The following FOXP2 variants were observed in gnomAD, a reference collection of about 807,000 sequenced individuals.
FOXP2 encodes the protein forkhead box P2, also known as forkhead box protein P2.
FOXP2 carries 12 observed loss-of-function variants against 115.8 expected under a neutral mutation model. The observed-to-expected ratio is 0.10, with a 90% CI of 0.07 to 0.17. The LOEUF is 0.17. FOXP2 is among the 10% of genes least tolerant of loss of function. The pLI is 1.00. For synonymous variants in FOXP2, 328 were observed against 297.7 expected (o/e 1.10, Z -1.05); for missense variants, 629 against 843.5 (o/e 0.75, Z 3.15).
At chr7:114,408,354 A>G (rs1793082361) in intron 2 of FOXP2, among the ~76,000 whole-genome samples, 1 of 152,172 alleles carries the variant, frequency 6.6e-6, no homozygotes, top group Non-Finnish European at 1.5e-5. Flanking sequence ...TGAAGTATAA[A>G]ACATGACAAT....
At chr7:114,520,371 T>C (rs1282495051) in intron 2 of FOXP2, among the ~76,000 whole-genome samples, 1 of 152,124 alleles carries the variant, frequency 6.6e-6, no homozygotes, top group Non-Finnish European at 1.5e-5. Context: ...TGTAGTTTAG[T>C]GATGTATGTC....
At chr7:114,432,418 A>T (rs2129207865) in intron 2 of FOXP2, among the ~76,000 whole-genome samples, 1 of 152,146 alleles carries the variant, frequency 6.6e-6, no homozygotes, top group South Asian at 2.1e-4. Flanking sequence ...AGATTGGATT[A>T]ATTTACACTC....
At chr7:114,505,150 T>C (rs945339878) in intron 2 of FOXP2, among the ~76,000 whole-genome samples, 1 of 151,616 alleles carries the variant, frequency 6.6e-6, no homozygotes, top group African/African-American at 2.4e-5. Context: ...ATTTATATGA[T>C]AAATCTCAGA....
chr7:114,404,204 G>A (rs761573410), intron 2 of FOXP2, among the ~76,000 whole-genome samples: 1 of 152,042 alleles, frequency 6.6e-6, no homozygotes, highest in Non-Finnish European at 1.5e-5. Context: ...TTACAATTTT[G>A]TCAAGGTTTA....
intron 3 of FOXP2, among the ~76,000 whole-genome samples, chr7:114,558,759 A>G (rs1055207857): frequency 3.3e-5 from 5 of 151,904 alleles, no homozygotes; most frequent in African/African-American, 7.3e-5. Flanking sequence ...CTTCCTTTTC[A>G]CCAGTGCATA....
chr7:114,612,360 G>GTA (rs1803675979), intron 3 of FOXP2, among the ~76,000 whole-genome samples: 1 of 115,532 alleles, frequency 8.7e-6, no homozygotes, highest in South Asian at 2.7e-4. Context: ...ACATATATAT[G>GTA]TATATATATA....
rs1052407136 is a variant in FOXP2, at chr7:114,659,812, CCT to C, written c.1647+145_1647+146del. 13 of 723,218 alleles carry C rather than the reference CCT, an allele frequency of 1.8e-5. 1 individual carries two copies. The highest frequency in any genetic ancestry group is 1.6e-4 in the East Asian group (6 of 37,088). The allele number at this position is 723,218 out of a possible 1,614,324, so 44.8% of individuals were successfully genotyped here. On this transcript the variant is annotated intron_variant, in intron 13 of 16. Transcript: ENST00000350908. ...CCTGCCTCTTGAATGGAATGAATTC[CCT>C]CTCTCAAAATGACAAGTGAAAGAAT... is the stretch of plus-strand genomic sequence containing the variant.
intron 5 of FOXP2, among the ~76,000 whole-genome samples, chr7:114,631,273 T>C (rs1479056216): frequency 6.6e-6 from 1 of 152,234 alleles, no homozygotes; most frequent in Non-Finnish European, 1.5e-5. Context: ...AAGCTGAACC[T>C]TTATTACATA....
At chr7:114,340,513 A>G (rs756558821) in intron 2 of FOXP2, among the ~76,000 whole-genome samples, 11 of 151,164 alleles carry the variant, frequency 7.3e-5, no homozygotes, top group Non-Finnish European at 1.5e-4. Flanking sequence ...AAATTCAGGT[A>G]CATAACTATT....
At chr7:114,521,009 T>C (rs1315996806) in intron 2 of FOXP2, among the ~76,000 whole-genome samples, 1 of 152,094 alleles carries the variant, frequency 6.6e-6, no homozygotes, top group Non-Finnish European at 1.5e-5. Flanking sequence ...TAAATATCTA[T>C]CAGAAGAGGA....
intron 9 of FOXP2, chr7:114,653,376 T>C (rs186005043): frequency 5.8e-6 from 1 of 171,360 alleles, no homozygotes; most frequent in African/African-American, 2.4e-5. Context: ...TGAGACCCAG[T>C]GCAAGTGTAG....
intron 3 of FOXP2, among the ~76,000 whole-genome samples, chr7:114,614,198 C>A (rs1469263145): frequency 3.3e-5 from 5 of 152,184 alleles, no homozygotes; most frequent in African/African-American, 9.7e-5. Flanking sequence ...AAGCTAGCAT[C>A]TACTTTCTAC....
In FOXP2 at chr7:114,274,871, T is replaced by A. The variant is rs184111919; in HGVS notation, c.-101-13148T>A. ...GGTTTCACCATGTTACCTAGGCTGGTCTGGAACTCCTAGTCTCAAGCAATC... is the reference window on the plus strand; with the variant it reads ...GGTTTCACCATGTTACCTAGGCTGGACTGGAACTCCTAGTCTCAAGCAATC... On this transcript the variant is annotated intron_variant, in intron 1 of 17. Coordinates refer to the FOXP2 transcript ENST00000634411. 1.2e-3 allele frequency among the ~76,000 whole-genome samples: 182 copies of A among 152,034 alleles called. 2 individuals carry two copies. Among genetic ancestry groups the A allele is most frequent in the African/African-American group, 4.3e-3 (180 of 41,516 alleles).
intron 2 of FOXP2, among the ~76,000 whole-genome samples, chr7:114,378,261 G>A (rs933710356): frequency 2.0e-5 from 3 of 152,030 alleles, no homozygotes. Flanking sequence ...GCAGACATAG[G>A]AGTTAGATGG....
chr7:114,636,822 C>A (rs548328720), intron 6 of FOXP2, among the ~76,000 whole-genome samples: 78 of 152,056 alleles, frequency 5.1e-4, no homozygotes, highest in African/African-American at 1.7e-3. Flanking sequence ...TTAATTAATT[C>A]TTAGCACAGT....
rs763246182 is a variant in FOXP2 at position 114,664,363 on chromosome 7, G to C, written c.1930G>C (p.Asp644His). ...SSGLLQAVHE[D>H]LNGSLDHIDS... ...TGGCCTACTGCAGGCCGTCCACGAA[G>C]ACCTCAATGGTTCTCTGGATCACAT... The change falls in exon 16 of 17, where the codon GAC becomes CAC. Residue 644 changes from aspartate to histidine, a missense_variant. This residue lies in a region of FOXP2 where 117 missense variants were observed against 112.3 expected (regional missense o/e 1.04). Transcript: ENST00000350908. 4.3e-6 allele frequency: 7 copies of C among 1,613,474 alleles called. No homozygotes were observed. The highest frequency in any genetic ancestry group is 5.1e-6 in the Non-Finnish European group (6 of 1,179,726).
intron 1 of FOXP2, among the ~76,000 whole-genome samples, chr7:114,138,093 C>T (rs1792091136): frequency 6.6e-6 from 1 of 152,036 alleles, no homozygotes; most frequent in Non-Finnish European, 1.5e-5. Flanking sequence ...ATATTAAATA[C>T]ATAAATAAAT....
At chr7:114,638,520 G>A (rs1359287406) in intron 6 of FOXP2, among the ~76,000 whole-genome samples, 2 of 152,084 alleles carry the variant, frequency 1.3e-5, no homozygotes, top group Non-Finnish European at 1.5e-5. Flanking sequence ...GTACAAAATC[G>A]ATTGGCTAGT....
chr7:114,092,823 C>G (rs1358376880), intron 1 of FOXP2, among the ~76,000 whole-genome samples: 2 of 152,212 alleles, frequency 1.3e-5, no homozygotes, highest in African/African-American at 4.8e-5. Flanking sequence ...TAACTCTTCA[C>G]TTCCTTTTTG....
Sources: allele counts gnomAD v4.1 joint callset (sites outside exome capture counted in the v4.1 genomes callset), GRCh38; gene constraint gnomAD v4.1.1; regional missense constraint gnomAD v4.1.1; transcripts MANE v1.5; gene names NCBI Gene and HGNC (gene_info 2026-07-23, HGNC 2026-07-21).